Variants in WDR41 observed in about 807,000 individuals in gnomAD.
WDR41 encodes WD repeat-containing protein 41.
WDR41 carries 63 observed loss-of-function variants against 69.3 expected under a neutral mutation model. The observed-to-expected ratio is 0.91, with a 90% CI of 0.74 to 1.12. The LOEUF (loss-of-function observed/expected upper bound fraction) is 1.12, where lower values mean the gene tolerates loss of function less well. Ranked by LOEUF, WDR41 falls within the 50% of genes most tolerant of loss-of-function variation. WDR41 has a pLI of 0.00. For synonymous variants in WDR41, 185 were observed against 192.1 expected, an observed-to-expected ratio of 0.96 and a Z score of 0.31; for missense variants, 543 against 534.5, an observed-to-expected ratio of 1.02 and a Z score of -0.16.
rs1413434404 is a variant in WDR41, at chr5:77,431,504, T to A, written c.*1631A>T. 2.0e-5 allele frequency: 3 copies of A among 152,258 alleles called. No individual in the cohort carries two copies. The highest frequency in any genetic ancestry group is 4.4e-5 in the Non-Finnish European group (3 of 68,048). 9.4% of individuals were successfully genotyped at this position (152,258 alleles called of 1,614,324 possible). The stretch of plus-strand genomic sequence containing the variant: ...CTATTTGCAATAGTTGCTTTTTTGA[T>A]GTGGTCTGAAACCTAACCTGTAGTA... On this transcript the variant is annotated 3_prime_UTR_variant, in exon 13 of 13. Coordinates refer to ENST00000296679, the MANE Select transcript of WDR41 (RefSeq NM_018268.4).
At position 77,558,109 on chromosome 5, in the gene WDR41, A is replaced by C. The variant is rs565570080; in HGVS notation, c.42+62370T>G. 1.6e-4 allele frequency among the ~76,000 whole-genome samples: 24 copies of C among 149,836 alleles called. 1 individual carries two copies. The highest frequency in any genetic ancestry group is 1.3e-3 in the South Asian group (6 of 4,800). On this transcript the variant is annotated intron_variant, in intron 1 of 5. Coordinates refer to the WDR41 transcript ENST00000509971. ...ATGTTCTTTTTAAAAAAAAAAAAAA[A>C]AAAAAAACAAAACAGGAGTAGGTAT...
At chr5:77,586,721 C>CT (rs763627760) in intron 1 of WDR41, among the ~76,000 whole-genome samples, 16,853 of 130,054 alleles carry the variant, frequency 0.13, 1,774 homozygotes, top group East Asian at 0.25. Context: ...ATTATCTAAA[C>CT]TTTTTTTTTT....
intron 2 of WDR41, among the ~76,000 whole-genome samples, chr5:77,474,611 C>A (rs186059929): frequency 1.3e-3 from 192 of 152,296 alleles, no homozygotes; most frequent in Non-Finnish European, 2.2e-3. Flanking sequence ...TCTACTTCAA[C>A]AATTTCTTTT....
chr5:77,500,224 GT>G (rs2079085564), intron 1 of WDR41, among the ~76,000 whole-genome samples: 1 of 152,092 alleles, frequency 6.6e-6, no homozygotes, highest in African/African-American at 2.4e-5. Flanking sequence ...AAAACACAAT[GT>G]ATCAGCAAAG....
chr5:77,531,293 T>C (rs1289797449), intron 1 of WDR41, among the ~76,000 whole-genome samples: 1 of 151,846 alleles, frequency 6.6e-6, no homozygotes, highest in Non-Finnish European at 1.5e-5. Flanking sequence ...TAGAAAGAGC[T>C]CTTACAACTC....
chr5:77,585,470 T>C (rs192592680), intron 1 of WDR41, among the ~76,000 whole-genome samples: 2 of 152,352 alleles, frequency 1.3e-5, no homozygotes, highest in East Asian at 3.9e-4. Flanking sequence ...ATCCCACTAC[T>C]GGATATCTAC....
chr5:77,547,073 C>T (rs945985487), intron 1 of WDR41, among the ~76,000 whole-genome samples: 2 of 152,110 alleles, frequency 1.3e-5, no homozygotes, highest in East Asian at 3.9e-4. Flanking sequence ...AATCAGCATC[C>T]CTTTATGATT....
chr5:77,441,864 G>A (rs1799180869), intron 8 of WDR41, among the ~76,000 whole-genome samples: 1 of 138,404 alleles, frequency 7.2e-6, no homozygotes, highest in African/African-American at 2.8e-5. Context: ...TTAAGAACAA[G>A]ATAAATACAG....
intron 2 of WDR41, among the ~76,000 whole-genome samples, chr5:77,470,303 G>C (rs950262490): frequency 6.7e-4 from 102 of 152,226 alleles, no homozygotes; most frequent in African/African-American, 1.5e-3. Context: ...AGGAACAACC[G>C]ATACCAGCCA....
intron 1 of WDR41, among the ~76,000 whole-genome samples, chr5:77,542,588 C>G (rs11950176): frequency 0.11 from 16,550 of 151,980 alleles, 1,931 homozygotes; most frequent in African/African-American, 0.27. Flanking sequence ...TATTACATAA[C>G]AATAACATAA....
chr5:77,533,014 C>G (rs1742885546), intron 1 of WDR41, among the ~76,000 whole-genome samples: 1 of 152,026 alleles, frequency 6.6e-6, no homozygotes, highest in Non-Finnish European at 1.5e-5. Context: ...TTGTATTTCA[C>G]AATTTTTAAA....
At chr5:77,474,615 T>G (rs912871403) in intron 2 of WDR41, among the ~76,000 whole-genome samples, 2 of 152,178 alleles carry the variant, frequency 1.3e-5, no homozygotes, top group Non-Finnish European at 2.9e-5. Context: ...CTTCAACAAT[T>G]TCTTTTCCTT....
At chr5:77,568,282 C>T (rs1395910454) in intron 1 of WDR41, among the ~76,000 whole-genome samples, 1 of 152,186 alleles carries the variant, frequency 6.6e-6, no homozygotes, top group East Asian at 1.9e-4. Context: ...CAAACCACGA[C>T]AAGGGCTATT....
At chr5:77,494,287 CAAATAGAA>C (rs1402652314), upstream of WDR41, among the ~76,000 whole-genome samples, 4 of 151,260 alleles carry the variant, frequency 2.6e-5, no homozygotes, top group Non-Finnish European at 5.9e-5. Context: ...ATATAGAAAA[CAAATAGAA>C]AAATAGAAAT....
chr5:77,586,492 G>A (rs1024407186), intron 1 of WDR41, among the ~76,000 whole-genome samples: 8 of 151,770 alleles, frequency 5.3e-5, no homozygotes, highest in African/African-American at 1.2e-4. Context: ...TTATTTGTAC[G>A]GAAAGGGTTT....
intron 1 of WDR41, among the ~76,000 whole-genome samples, chr5:77,513,708 A>G (rs1802244529): frequency 1.3e-5 from 2 of 152,220 alleles, no homozygotes; most frequent in Admixed American, 1.3e-4. Context: ...CAATTTCCAA[A>G]AACAGTTAAT....
intron 1 of WDR41, among the ~76,000 whole-genome samples, chr5:77,500,475 G>A (rs577377269): frequency 7.5e-4 from 114 of 152,194 alleles, no homozygotes; most frequent in African/African-American, 2.5e-3. Flanking sequence ...AAAATTAGCA[G>A]TATAAGGAAT....
upstream of WDR41, among the ~76,000 whole-genome samples, chr5:77,495,244 C>A (rs1801919026): frequency 1.3e-5 from 2 of 151,150 alleles, no homozygotes; most frequent in African/African-American, 2.4e-5. Flanking sequence ...CAAATGAAAC[C>A]CAAAACTAGT....
chr5:77,475,102 T>C (rs1800844212), intron 2 of WDR41, among the ~76,000 whole-genome samples: 1 of 152,196 alleles, frequency 6.6e-6, no homozygotes. Context: ...TACTGCGCTT[T>C]TCCGACGGGC....
Sources: allele counts gnomAD v4.1 joint callset (sites outside exome capture counted in the v4.1 genomes callset), GRCh38; gene constraint gnomAD v4.1.1; transcripts MANE v1.5; gene names NCBI Gene and HGNC (gene_info 2026-07-23, HGNC 2026-07-21).